The following SLC6A17 variants were observed in gnomAD, a reference collection of about 807,000 sequenced individuals.
SLC6A17 encodes sodium-dependent neutral amino acid transporter SLC6A17.
A neutral mutation model predicts 64.5 loss-of-function variants in SLC6A17; 21 were observed. The observed-to-expected ratio is 0.33, with a 90% CI of 0.23 to 0.47. The LOEUF is 0.47. Ranked by LOEUF, SLC6A17 falls within the 20% of genes least tolerant of loss-of-function variation. The pLI, the probability that SLC6A17 is intolerant of heterozygous loss-of-function variation, is 1.00. For synonymous variants in SLC6A17, 372 were observed against 399.5 expected (o/e 0.93, Z 0.82); for missense variants, 682 against 963.2 (o/e 0.71, Z 3.86).
intron 1 of SLC6A17, among the ~76,000 whole-genome samples, chr1:110,159,173 T>G (rs988184831): frequency 1.5e-4 from 23 of 152,298 alleles, no homozygotes; most frequent in African/African-American, 5.3e-4. Context: ...TGTGCTGTGT[T>G]GTCATTGTTA....
chr1:110,174,260 T>A (rs1057512363), intron 4 of SLC6A17, among the ~76,000 whole-genome samples, 161 bp downstream of exon 4: 1 of 152,210 alleles, frequency 6.6e-6, no homozygotes, highest in Non-Finnish European at 1.5e-5. Context: ...GGGAATGGTC[T>A]CTTTTCCAGC....
intron 1 of SLC6A17, among the ~76,000 whole-genome samples, chr1:110,162,874 C>T (rs938427077): frequency 7.2e-5 from 11 of 152,000 alleles, no homozygotes; most frequent in South Asian, 4.2e-4. Context: ...AGGTGGGCAC[C>T]GCTGGCACCC....
chr1:110,154,738 G>T (rs1655710943), intron 1 of SLC6A17, among the ~76,000 whole-genome samples: 1 of 152,234 alleles, frequency 6.6e-6, no homozygotes, highest in African/African-American at 2.4e-5. Context: ...TTCTGCATAT[G>T]CAGAATCAAG....
chr1:110,156,442 C>T (rs1239632243), intron 1 of SLC6A17, among the ~76,000 whole-genome samples: 2 of 152,114 alleles, frequency 1.3e-5, no homozygotes, highest in Non-Finnish European at 2.9e-5. Context: ...GCGCCTCCTC[C>T]GTGTACCCCA....
rs140299181 is a variant in SLC6A17 at position 110,184,357 on chromosome 1, G to T, written c.865-7615G>T. On this transcript the variant is annotated intron_variant, in intron 6 of 11. Coordinates refer to ENST00000331565, the MANE Select transcript of SLC6A17 (RefSeq NM_001010898.4). ...CCTGACCTTGTGATCCGCCCACCTCGGCCTCCCAAAGTGCTGGGATTATAG... is the reference window on the plus strand; with the variant it reads ...CCTGACCTTGTGATCCGCCCACCTCTGCCTCCCAAAGTGCTGGGATTATAG... Among the ~76,000 whole-genome samples, 694 of 152,190 alleles carry T rather than the reference G, an allele frequency of 4.6e-3. 3 individuals are homozygous for T. Among genetic ancestry groups the T allele is most frequent in the African/African-American group, 0.016 (656 of 41,506 alleles).
Position 110,200,125 on chromosome 1 carries a change from C to T in SLC6A17, c.*1681C>T. ...AGTCACTCTTGTGGCTCAGATTGCT[C>T]TTAGGACCTGGAGGGACAGACCAGA... On this transcript the variant is annotated 3_prime_UTR_variant, in exon 12 of 12. Transcript: ENST00000331565. 1 of 398,546 alleles carries T rather than the reference C, an allele frequency of 2.5e-6. No homozygotes were observed. The highest frequency in any genetic ancestry group is 1.3e-4 in the South Asian group (1 of 7,850). 24.7% of individuals were successfully genotyped at this position (398,546 alleles called of 1,614,324 possible).
Position 110,197,583 on chromosome 1 carries a change from C to T in SLC6A17, c.1799C>T (p.Ala600Val), listed in dbSNP as rs1237466366. The T allele has an allele frequency of 3.7e-6, 6 of 1,604,238 alleles. No homozygotes were observed. Among genetic ancestry groups the T allele is most frequent in the Middle Eastern group, 1.7e-4 (1 of 6,000 alleles). ...GGGGTCACGCCCCCGGGCTACAGCGCCTGGATCAAGGAGGAGGTGAGGGGT... is the reference window on the plus strand; with the variant it reads ...GGGGTCACGCCCCCGGGCTACAGCGTCTGGATCAAGGAGGAGGTGAGGGGT... The part of the protein sequence containing the change: ...QLGVTPPGYS[A>V]WIKEEAAERY... The change falls in exon 11 of 12, where the codon GCC (alanine) becomes GTC (valine). Residue 600 changes from alanine (A) to valine (V), a missense_variant. By Grantham distance (64) the Ala-to-Val change is moderately conservative. This residue lies in a region of SLC6A17 where 264 missense variants were observed against 339.5 expected (regional missense o/e 0.78). Transcript: ENST00000331565.
intron 6 of SLC6A17, among the ~76,000 whole-genome samples, chr1:110,190,570 C>T (rs1174269996): frequency 6.6e-6 from 1 of 152,174 alleles, no homozygotes; most frequent in Non-Finnish European, 1.5e-5. Context: ...ATATTAAAGA[C>T]AGCTAAAGTC....
intron 3 of SLC6A17, 66 bp from the exon 4 acceptor site, chr1:110,173,907 G>T (rs1035923620): frequency 1.7e-5 from 26 of 1,543,026 alleles, no homozygotes; most frequent in Non-Finnish European, 2.3e-5. Flanking sequence ...TGGGCCTCGG[G>T]TGGAGCGTGG....
intron 1 of SLC6A17, among the ~76,000 whole-genome samples, chr1:110,159,756 G>C (rs1356535889): frequency 1.3e-5 from 2 of 152,162 alleles, no homozygotes; most frequent in African/African-American, 4.8e-5. Flanking sequence ...CTGTCACTTG[G>C]GGCATCCTTG....
rs373133877 is a variant in SLC6A17, at chr1:110,181,482, G to T, written c.864+4743G>T. Among the ~76,000 whole-genome samples the T allele has an allele frequency of 2.0e-5, 3 of 152,328 alleles. No homozygotes were observed. The South Asian group carries it at 6.2e-4, about 32-fold the overall frequency. ...TGTTACGTGCACTGTTCCGAGTCAC[G>T]GGATCCAGCAGTGAACAAAGCAGAC... On this transcript the variant is annotated intron_variant, in intron 6 of 11. Coordinates refer to ENST00000331565, the MANE Select transcript of SLC6A17 (RefSeq NM_001010898.4).
intron 3 of SLC6A17, chr1:110,172,571 C>T (rs1656271523): frequency 5.5e-6 from 1 of 180,792 alleles, no homozygotes; most frequent in Non-Finnish European, 1.1e-5. Context: ...CCCTCAGCTC[C>T]CCATGAGGGA....
In SLC6A17 at chr1:110,200,461, T is replaced by G; in HGVS notation, c.*2017T>G. On this transcript the variant is annotated 3_prime_UTR_variant, in exon 12 of 12. Coordinates refer to ENST00000331565, the MANE Select transcript of SLC6A17 (RefSeq NM_001010898.4). ...AAAAGCAGAGCCCCAGGAGAGACAC[T>G]CTACTATATATACTCTTCTATATAT... 4.6e-6 allele frequency: 1 copy of G among 219,408 alleles called. No homozygotes were observed. Among genetic ancestry groups the G allele is most frequent in the Non-Finnish European group, 8.9e-6 (1 of 112,650 alleles). The allele number at this position is 219,408 out of a possible 1,614,324, so 13.6% of individuals were successfully genotyped here.
chr1:110,172,967 G>A, intron 3 of SLC6A17, among the ~76,000 whole-genome samples: 1 of 152,266 alleles, frequency 6.6e-6, no homozygotes, highest in East Asian at 1.9e-4. Context: ...ATTCTGCCAG[G>A]CCTGGCAGTA....
At chr1:110,182,032 G>A (rs1020261885) in intron 6 of SLC6A17, among the ~76,000 whole-genome samples, 9 of 152,196 alleles carry the variant, frequency 5.9e-5, no homozygotes, top group Non-Finnish European at 1.0e-4. Context: ...AGCCTCTTAA[G>A]TGGCTTCTGT....
At chr1:110,186,787 C>A (rs1340720502) in intron 6 of SLC6A17, among the ~76,000 whole-genome samples, 1 of 152,206 alleles carries the variant, frequency 6.6e-6, no homozygotes, top group Non-Finnish European at 1.5e-5. Flanking sequence ...GAAGACGAGA[C>A]ACATAAACCT....
Position 110,166,996 on chromosome 1 carries a change from G to A in SLC6A17, c.67G>A (p.Asp23Asn), listed in dbSNP as rs142828529. The A allele has an allele frequency of 1.1e-4, 180 of 1,613,532 alleles. No homozygotes were observed. The highest frequency in any genetic ancestry group is 1.5e-4 in the Non-Finnish European group (177 of 1,179,880). The change falls in exon 2 of 12, where the codon GAC becomes AAC. Residue 23 changes from aspartate (D) to asparagine (N), a missense_variant. Physicochemically the swap from Asp to Asn is conservative, Grantham distance 23. Around this residue, in one of 3 missense-constraint regions of SLC6A17, gnomAD observed 415 missense variants for 603.8 expected, o/e 0.69. Coordinates refer to ENST00000331565, the MANE Select transcript of SLC6A17 (RefSeq NM_001010898.4). ...SSEHVTESVA[D>N]LLALEEPVDY... ...TGAGCATGTCACTGAGTCCGTGGCCGACCTGCTGGCCCTCGAGGAGCCTGT... is the reference window on the plus strand; with the variant it reads ...TGAGCATGTCACTGAGTCCGTGGCCAACCTGCTGGCCCTCGAGGAGCCTGT...
At chr1:110,172,365 T>C (rs1656265451) in intron 3 of SLC6A17, 148 bp downstream of exon 3, 2 of 1,070,586 alleles carry the variant, frequency 1.9e-6, no homozygotes, top group Non-Finnish European at 1.3e-6. Flanking sequence ...TACTCACAGC[T>C]GGGGTTCCAG....
intron 1 of SLC6A17, among the ~76,000 whole-genome samples, chr1:110,156,771 C>T (rs915683252): frequency 6.6e-6 from 1 of 152,150 alleles, no homozygotes; most frequent in South Asian, 2.1e-4. Context: ...AGACACAAAC[C>T]CTTCTCATTT....
Sources: gnomAD v4.1 joint callset for allele counts (sites outside exome capture counted in the v4.1 genomes callset) on GRCh38, gnomAD v4.1.1 for gene constraint, gnomAD v4.1.1 regional missense constraint, MANE v1.5 for transcripts, NCBI Gene and HGNC (gene_info 2026-07-23, HGNC 2026-07-21) for gene names.